Variants in SHISA6 observed in about 807,000 individuals in gnomAD.
SHISA6 encodes the protein shisa family member 6.
Under a neutral mutation model 47.9 loss-of-function variants are expected in SHISA6, and 22 were observed. The observed-to-expected ratio is 0.46, with a 90% CI of 0.33 to 0.66. SHISA6 has a LOEUF of 0.66. Ranked by LOEUF, SHISA6 falls within the 30% of genes least tolerant of loss-of-function variation. The pLI, the probability that SHISA6 is intolerant of heterozygous loss-of-function variation, is 0.02. For synonymous variants in SHISA6, 388 were observed against 337.8 expected, an observed-to-expected ratio of 1.15 and a Z score of -1.63; for missense variants, 680 against 764.6, an observed-to-expected ratio of 0.89 and a Z score of 1.30.
intron 2 of SHISA6, among the ~76,000 whole-genome samples, chr17:11,318,536 C>A (rs1321074983): frequency 6.6e-6 from 1 of 152,172 alleles, no homozygotes; most frequent in Non-Finnish European, 1.5e-5. Flanking sequence ...GCTACCTGGG[C>A]ACCCTCCTGG....
intron 2 of SHISA6, among the ~76,000 whole-genome samples, chr17:11,343,208 G>T (rs1346877535): frequency 1.3e-5 from 2 of 152,140 alleles, no homozygotes; most frequent in Non-Finnish European, 1.5e-5. Flanking sequence ...TTAGCCTCTG[G>T]AGGAAGGAGA....
intron 2 of SHISA6, among the ~76,000 whole-genome samples, chr17:11,296,877 A>C (rs1324923776): frequency 6.6e-6 from 1 of 152,124 alleles, no homozygotes; most frequent in Non-Finnish European, 1.5e-5. Context: ...AGAGTGCATC[A>C]AGAAAGGGGA....
At chr17:11,426,974 G>T (rs16944711) in intron 3 of SHISA6, among the ~76,000 whole-genome samples, 1 of 152,014 alleles carries the variant, frequency 6.6e-6, no homozygotes, top group Non-Finnish European at 1.5e-5. Flanking sequence ...CACCCCTGTA[G>T]GTACTGGAAA....
chr17:11,363,533 A>G (rs1020611850), intron 2 of SHISA6, among the ~76,000 whole-genome samples: 5 of 152,188 alleles, frequency 3.3e-5, no homozygotes, highest in Admixed American at 6.5e-5. Context: ...CTGGATTATA[A>G]ACCTAATTGA....
chr17:11,301,097 T>A (rs1368868284), intron 2 of SHISA6, among the ~76,000 whole-genome samples: 1 of 152,132 alleles, frequency 6.6e-6, no homozygotes, highest in African/African-American at 2.4e-5. Context: ...CTGTGGGCCT[T>A]CCACGTCTAG....
intron 2 of SHISA6, among the ~76,000 whole-genome samples, chr17:11,342,550 G>A (rs1417213228): frequency 6.6e-6 from 1 of 152,236 alleles, no homozygotes; most frequent in East Asian, 1.9e-4. Flanking sequence ...AGAGGATAAA[G>A]ATGTTCCCAA....
chr17:11,408,078 A>G (rs1914015595), intron 3 of SHISA6, among the ~76,000 whole-genome samples: 1 of 152,196 alleles, frequency 6.6e-6, no homozygotes, highest in African/African-American at 2.4e-5. Flanking sequence ...AGCCAGAGGG[A>G]AAAGCTGGGA....
intron 3 of SHISA6, among the ~76,000 whole-genome samples, chr17:11,496,633 G>A (rs979456722): frequency 3.3e-5 from 5 of 152,090 alleles, no homozygotes; most frequent in Non-Finnish European, 7.4e-5. Context: ...CAGCTACTCG[G>A]GAGGCTGAGG....
chr17:11,522,410 C>T (rs1412278191), intron 3 of SHISA6, among the ~76,000 whole-genome samples: 2 of 152,118 alleles, frequency 1.3e-5, no homozygotes, highest in African/African-American at 2.4e-5. Context: ...ACTACAGACA[C>T]GCAACAGCAC....
intron 3 of SHISA6, among the ~76,000 whole-genome samples, chr17:11,483,388 A>G (rs551251631): frequency 1.3e-5 from 2 of 152,312 alleles, no homozygotes; most frequent in East Asian, 3.9e-4. Flanking sequence ...ATAGACAAAG[A>G]TAAGTGGGTC....
intron 2 of SHISA6, among the ~76,000 whole-genome samples, chr17:11,271,182 G>A (rs146325466): frequency 6.5e-4 from 99 of 152,224 alleles, no homozygotes; most frequent in African/African-American, 2.2e-3. Context: ...GCCCATGCTG[G>A]AGAAAGAGAG....
intron 3 of SHISA6, among the ~76,000 whole-genome samples, chr17:11,501,622 T>C (rs2142347331): frequency 6.6e-6 from 1 of 151,794 alleles, no homozygotes. Context: ...AGGCCAGCAA[T>C]GAGAAAAGAC....
chr17:11,314,216 C>A (rs1910430818), intron 2 of SHISA6, among the ~76,000 whole-genome samples: 1 of 152,044 alleles, frequency 6.6e-6, no homozygotes, highest in Non-Finnish European at 1.5e-5. Flanking sequence ...TTGATTATAA[C>A]CTATTTCATG....
intron 2 of SHISA6, among the ~76,000 whole-genome samples, chr17:11,378,764 G>A (rs543168110): frequency 6.6e-6 from 1 of 152,296 alleles, no homozygotes; most frequent in South Asian, 2.1e-4. Flanking sequence ...AAGAAGCGAA[G>A]CACGTATATA....
At chr17:11,316,160 T>TTAA (rs34646501) in intron 2 of SHISA6, among the ~76,000 whole-genome samples, 144 of 149,724 alleles carry the variant, frequency 9.6e-4, no homozygotes, top group Middle Eastern at 3.5e-3. Context: ...ATAGTGTTTT[T>TTAA]AAAAAAAAAA....
At chr17:11,405,841 A>T (rs1567597187) in intron 3 of SHISA6, among the ~76,000 whole-genome samples, 1 of 152,004 alleles carries the variant, frequency 6.6e-6, no homozygotes, top group Non-Finnish European at 1.5e-5. Context: ...GTTGAGAACC[A>T]TTGTTTTGGG....
At chr17:11,252,616 A>G (rs1289518612) in intron 1 of SHISA6, among the ~76,000 whole-genome samples, 1 of 152,196 alleles carries the variant, frequency 6.6e-6, no homozygotes, top group African/African-American at 2.4e-5. Context: ...TTGGTGGCCA[A>G]ACACCATAGG....
intron 2 of SHISA6, among the ~76,000 whole-genome samples, chr17:11,265,971 T>G (rs1908410586): frequency 2.6e-5 from 4 of 152,222 alleles, no homozygotes; most frequent in African/African-American, 7.2e-5. Flanking sequence ...CTCTTCACTT[T>G]GCGCTTAGAG....
At chr17:11,282,587 C>T (rs972914635) in intron 2 of SHISA6, among the ~76,000 whole-genome samples, 1 of 152,112 alleles carries the variant, frequency 6.6e-6, no homozygotes, top group African/African-American at 2.4e-5. Flanking sequence ...TGTGGTGTTC[C>T]CAGCCCTGTG....
Sources: gnomAD v4.1 joint callset for allele counts (sites outside exome capture counted in the v4.1 genomes callset) on GRCh38, gnomAD v4.1.1 for gene constraint, MANE v1.5 for transcripts, NCBI Gene and HGNC (gene_info 2026-07-23, HGNC 2026-07-21) for gene names.